Variants in PGM2L1 observed in about 807,000 individuals in gnomAD.
PGM2L1 encodes the protein phosphoglucomutase 2 like 1, also known as glucose 1,6-bisphosphate synthase.
In PGM2L1, 35 loss-of-function variants were observed where a neutral mutation model predicts 73.4. The observed-to-expected ratio is 0.48, with a 90% CI of 0.36 to 0.63. The LOEUF (loss-of-function observed/expected upper bound fraction) is 0.63. Ranked by LOEUF, PGM2L1 falls within the 30% of genes least tolerant of loss-of-function variation. The pLI is 0.00. For missense variants in PGM2L1, 570 were observed against 742.0 expected (o/e 0.77, Z 2.69); for synonymous variants, 225 against 253.8 (o/e 0.89, Z 1.08).
chr11:74,395,549 C>CTTTTTTTTTTTTT lies in PGM2L1; in HGVS notation c.111+2489_111+2501dup, dbSNP rs60883108. Among the ~76,000 whole-genome samples, 94 of 64,942 alleles carry CTTTTTTTTTTTTT rather than the reference C, an allele frequency of 1.4e-3. 6 individuals are homozygous for CTTTTTTTTTTTTT. Among genetic ancestry groups the CTTTTTTTTTTTTT allele is most frequent in the South Asian group, 2.9e-3 (3 of 1,046 alleles). 42.6% of individuals were successfully genotyped at this position (64,942 alleles called of 152,430 possible). On this transcript the variant is annotated intron_variant, in intron 1 of 13. Coordinates refer to ENST00000298198, the MANE Select transcript of PGM2L1 (RefSeq NM_173582.6). ...TACAGGCACGTGACACCTCGCCTGG[C>CTTTTTTTTTTTTT]TTTTTTTTTTTTTTTTTTTTTTTTT...
intron 6 of PGM2L1, 55 bp downstream of exon 6, chr11:74,351,328 C>T (rs1862349182): frequency 3.4e-6 from 5 of 1,479,828 alleles, no homozygotes; most frequent in Non-Finnish European, 4.6e-6. Context: ...TTTTATTCTC[C>T]TCATTCTTTA....
chr11:74,375,480 A>C (rs1251425146), intron 1 of PGM2L1, among the ~76,000 whole-genome samples: 1 of 152,194 alleles, frequency 6.6e-6, no homozygotes, highest in Non-Finnish European at 1.5e-5. Flanking sequence ...AAGATGAAAC[A>C]TAACTTCTCT....
chr11:74,343,811 C>T (rs1179330825), intron 9 of PGM2L1, among the ~76,000 whole-genome samples: 2 of 121,480 alleles, frequency 1.6e-5, no homozygotes, highest in African/African-American at 6.3e-5. Flanking sequence ...CGGAGTCTCG[C>T]TCTGTCACCC....
At chr11:74,339,210 T>G (rs1243439408) in intron 12 of PGM2L1, among the ~76,000 whole-genome samples, 2 of 152,192 alleles carry the variant, frequency 1.3e-5, no homozygotes, top group African/African-American at 2.4e-5. Context: ...TTGCGAAGCA[T>G]TTTTGCCGTT....
intron 12 of PGM2L1, among the ~76,000 whole-genome samples, chr11:74,339,661 C>T (rs1346287025): frequency 4.6e-5 from 7 of 152,208 alleles, no homozygotes; most frequent in Non-Finnish European, 8.8e-5. Context: ...CTCATCTAGA[C>T]TGCTGACACA....
At chr11:74,346,603 G>C (rs1039459239) in intron 8 of PGM2L1, 129 bp downstream of exon 8, 1 of 655,384 alleles carries the variant, frequency 1.5e-6, no homozygotes, top group Non-Finnish European at 2.6e-6. Context: ...TGGTTATTTT[G>C]GGATAATGGA....
At chr11:74,375,220 G>A (rs1403739967) in intron 1 of PGM2L1, among the ~76,000 whole-genome samples, 1 of 152,214 alleles carries the variant, frequency 6.6e-6, no homozygotes, top group Non-Finnish European at 1.5e-5. Context: ...ATTTAATTAA[G>A]AATGAGAATA....
chr11:74,345,571 A>G lies in PGM2L1; in HGVS notation c.1116T>C (p.Asn372=). 1 of 1,613,664 alleles carries G rather than the reference A, an allele frequency of 6.2e-7. No individual in the cohort carries two copies. Residue 372 remains asparagine (N), a synonymous_variant, in exon 9 of 14, where the codon AAT becomes AAC. Transcript: ENST00000298198. ...GWWMFDCWKK[N]KSRNADVKNV... Reference sequence around the variant, plus strand: ...TCTTCACATCAGCATTTCTTGATTTATTTTTCTTCCAGCAATCAAACATCC... The same window carrying G: ...TCTTCACATCAGCATTTCTTGATTTGTTTTTCTTCCAGCAATCAAACATCC...
At chr11:74,362,914 C>G (rs548548117) in intron 5 of PGM2L1, among the ~76,000 whole-genome samples, 148 of 152,306 alleles carry the variant, frequency 9.7e-4, no homozygotes, top group Middle Eastern at 3.4e-3. Context: ...GAACTCTCCA[C>G]CCCAAATCAA....
In PGM2L1 at chr11:74,395,471, C is replaced by T. The variant is rs1863158263; in HGVS notation, c.111+2580G>A. On this transcript the variant is annotated intron_variant, in intron 1 of 13. Coordinates refer to ENST00000298198, the MANE Select transcript of PGM2L1 (RefSeq NM_173582.6). ...GAACGATCTCAGCTCACTGCAACCTCCGCCTCCCAAGTTCAAGTGATTCTC... is the reference window on the plus strand; with the variant it reads ...GAACGATCTCAGCTCACTGCAACCTTCGCCTCCCAAGTTCAAGTGATTCTC... Among the ~76,000 whole-genome samples, 4 of 151,410 alleles carry T rather than the reference C, an allele frequency of 2.6e-5. No homozygotes were observed. The South Asian group carries it at 8.3e-4, about 32-fold the overall frequency.
intron 5 of PGM2L1, among the ~76,000 whole-genome samples, chr11:74,361,727 T>C (rs1474188307): frequency 2.0e-5 from 3 of 152,174 alleles, no homozygotes; most frequent in Non-Finnish European, 4.4e-5. Flanking sequence ...CTGAAAACCA[T>C]GTCATGAGAA....
intron 3 of PGM2L1, 30 bp downstream of exon 3, chr11:74,371,681 A>T (rs60942292): frequency 1.9e-6 from 3 of 1,570,592 alleles, no homozygotes; most frequent in Non-Finnish European, 2.6e-6. Flanking sequence ...TTCTATTTCA[A>T]CTTAATCTTT....
intron 1 of PGM2L1, among the ~76,000 whole-genome samples, chr11:74,379,043 T>C (rs1373357649): frequency 6.6e-6 from 1 of 152,186 alleles, no homozygotes; most frequent in Non-Finnish European, 1.5e-5. Flanking sequence ...GTGCGTTAGT[T>C]TGTCTGCATT....
intron 2 of PGM2L1, 43 bp downstream of exon 2, chr11:74,374,372 A>C: frequency 6.8e-7 from 1 of 1,474,434 alleles, no homozygotes; most frequent in Non-Finnish European, 9.2e-7. Context: ...ATGAGCCACC[A>C]TGTCCAGTCA....
At chr11:74,371,953 AC>A (rs1340694955) in intron 2 of PGM2L1, 136 bp from the exon 3 acceptor site, 1 of 685,622 alleles carries the variant, frequency 1.5e-6, no homozygotes, top group African/African-American at 1.8e-5. Context: ...GCCCATGTTT[AC>A]CAGTGTGGGA....
chr11:74,336,552 A>G lies in PGM2L1; in HGVS notation c.*100T>C. The G allele has an allele frequency of 1.5e-6, 1 of 653,174 alleles. No homozygotes were observed. The highest frequency in any genetic ancestry group is 2.4e-6 in the Non-Finnish European group (1 of 408,466). The allele number at this position is 653,174 out of a possible 1,614,324, so 40.5% of individuals were successfully genotyped here. ...TAAAAGGAAAAAGATACTCGGCCAGATGAGATAGAGAGAGAATGCTAACAC... is the reference window on the plus strand; with the variant it reads ...TAAAAGGAAAAAGATACTCGGCCAGGTGAGATAGAGAGAGAATGCTAACAC... On this transcript the variant is annotated 3_prime_UTR_variant, in exon 14 of 14. Coordinates refer to ENST00000298198, the MANE Select transcript of PGM2L1 (RefSeq NM_173582.6).
rs185729524 is a variant in PGM2L1 at position 74,363,530 on chromosome 11, A to G, written c.555+4962T>C. On this transcript the variant is annotated intron_variant, in intron 5 of 13. Coordinates refer to ENST00000298198, the MANE Select transcript of PGM2L1 (RefSeq NM_173582.6). Reference sequence around the variant, plus strand: ...TCAAATGGACACAATAAAAAATGATAAAGGGGATATCACCACCAATCCCAC... The same window carrying G: ...TCAAATGGACACAATAAAAAATGATGAAGGGGATATCACCACCAATCCCAC... 4.4e-3 allele frequency among the ~76,000 whole-genome samples: 677 copies of G among 152,326 alleles called. 5 individuals carry two copies. Among genetic ancestry groups the G allele is most frequent in the African/African-American group, 0.016 (652 of 41,584 alleles).
chr11:74,383,675 C>T (rs1862979169), intron 1 of PGM2L1, among the ~76,000 whole-genome samples: 1 of 151,848 alleles, frequency 6.6e-6, no homozygotes, highest in Non-Finnish European at 1.5e-5. Flanking sequence ...TCAGCTCCCA[C>T]TTGTAAGTGA....
chr11:74,352,687 T>C (rs1307609365), intron 5 of PGM2L1, among the ~76,000 whole-genome samples: 13 of 152,168 alleles, frequency 8.5e-5, no homozygotes, highest in Non-Finnish European at 1.9e-4. Flanking sequence ...CTGTTCTCTA[T>C]AAACACCTCA....
Sources: gnomAD v4.1 joint callset for allele counts (sites outside exome capture counted in the v4.1 genomes callset) on GRCh38, gnomAD v4.1.1 for gene constraint, MANE v1.5 for transcripts, NCBI Gene and HGNC (gene_info 2026-07-23, HGNC 2026-07-21) for gene names.